CDC20: variants seen among roughly 807,000 people sequenced by gnomAD.
CDC20 encodes the protein cell division cycle 20, also known as cell division cycle protein 20 homolog.
CDC20 carries 34 observed loss-of-function variants against 60.0 expected under a neutral mutation model. The ratio of observed to expected loss-of-function variants is 0.57; its 90% CI spans 0.43 to 0.75. CDC20 has a LOEUF of 0.75. Among genes scored for constraint, CDC20 ranks in the 30% least tolerant of loss-of-function variants. The pLI is 0.00. For synonymous variants in CDC20, 198 were observed against 243.5 expected (o/e 0.81, Z 1.74); for missense variants, 469 against 647.3 (o/e 0.72, Z 2.99).
Position 43,361,818 on chromosome 1 carries a change from C to T in CDC20, c.1204-377C>T, listed in dbSNP as rs201776181. Among the ~76,000 whole-genome samples, 11 of 152,310 alleles carry T rather than the reference C, an allele frequency of 7.2e-5. No homozygotes were observed. The East Asian group carries it at 1.4e-3, about 19-fold the overall frequency. On this transcript the variant is annotated intron_variant, in intron 9 of 10. Coordinates refer to ENST00000310955, the MANE Select transcript of CDC20 (RefSeq NM_001255.3). Reference sequence around the variant, plus strand: ...ATACTTGAGGCTCTCTCCTTCCACTCCCCCCACATTCAGCCTTCACTGTAG... The same window carrying T: ...ATACTTGAGGCTCTCTCCTTCCACTTCCCCCACATTCAGCCTTCACTGTAG...
chr1:43,363,054 G>A lies in CDC20; in HGVS notation c.1425G>A (p.Leu475=), dbSNP rs1197012371. The A allele has an allele frequency of 1.2e-6, 2 of 1,613,542 alleles. No individual in the cohort carries two copies. Among genetic ancestry groups the A allele is most frequent in the Non-Finnish European group, 1.7e-6 (2 of 1,179,866 alleles). ...TGAGGCTATGGCGCTGTTTTGAGTT[G>A]GACCCTGCGCGGCGGCGGGAGCGGG... ...ETLRLWRCFE[L]DPARRREREK... is the part of the protein sequence containing the mutation. Residue 475 remains leucine (L), a synonymous_variant, in exon 11 of 11, where the codon TTG becomes TTA. Coordinates refer to ENST00000310955, the MANE Select transcript of CDC20 (RefSeq NM_001255.3).
Position 43,359,324 on chromosome 1 carries a change from G to T in CDC20, c.109G>T (p.Gly37Cys). The T allele has an allele frequency of 1.2e-6, 2 of 1,613,000 alleles. No homozygotes were observed. The highest frequency in any genetic ancestry group is 2.7e-5 in the African/African-American group (2 of 75,046). The part of the protein sequence containing the change: ...RWQRKAKEAA[G>C]PAPSPMRAAN... ...GCAGCGCAAAGCCAAGGAAGCCGCA[G>T]GCCCGGCCCCCTCACCCATGCGGGC... Residue 37 changes from glycine to cysteine, a missense_variant, in exon 2 of 11, where the codon GGC becomes TGC. Coordinates refer to ENST00000310955, the MANE Select transcript of CDC20 (RefSeq NM_001255.3).
In CDC20 at chr1:43,363,188, A is replaced by G; in HGVS notation, c.*59A>G. The G allele has an allele frequency of 1.3e-6, 2 of 1,512,990 alleles. No homozygotes were observed. Among genetic ancestry groups the G allele is most frequent in the Non-Finnish European group, 1.8e-6 (2 of 1,105,202 alleles). 93.7% of individuals were successfully genotyped at this position (1,512,990 alleles called of 1,614,324 possible). A position where few individuals can be genotyped will look rare whatever the true frequency, so the allele number is the denominator to read the frequency against. ...TTCTAATAAAGTCATGTCTCCCTTC[A>G]TGTTTTTTTTTTAAATCTGTTTCAG... is the stretch of plus-strand genomic sequence containing the variant. On this transcript the variant is annotated 3_prime_UTR_variant, in exon 11 of 11. Transcript: ENST00000310955.
Position 43,362,925 on chromosome 1 carries a change from G to A in CDC20, c.1322-26G>A, listed in dbSNP as rs559056592. The stretch of plus-strand genomic sequence containing the variant: ...TATGGCTATGGCTGCATCAGCATTC[G>A]TATGTACTGTTCTCATTTGCTCCAG... On this transcript the variant is annotated intron_variant, in intron 10 of 10. Transcript: ENST00000310955. The A allele has an allele frequency of 1.2e-5, 18 of 1,552,000 alleles. 1 individual carries two copies. The highest frequency in any genetic ancestry group is 6.9e-5 in the African/African-American group (5 of 72,172).
At position 43,359,261 on chromosome 1, in the gene CDC20, C is replaced by T. The variant is rs536288795; in HGVS notation, c.46C>T (p.Leu16=). The T allele has an allele frequency of 2.5e-5, 41 of 1,611,926 alleles. No individual in the cohort carries two copies. The Admixed American group carries it at 5.0e-4, about 20-fold the overall frequency. Residue 16 remains leucine (L), a synonymous_variant, in exon 2 of 11, where the codon CTG becomes TTG. Transcript: ENST00000310955. ...FESDLHSLLQ[L]DAPIPNAPPA... is the part of the protein sequence containing the mutation. ...GAGTGACCTGCACTCGCTGCTTCAGCTGGATGCACCCATCCCCAATGCACC... is the reference window on the plus strand; with the variant it reads ...GAGTGACCTGCACTCGCTGCTTCAGTTGGATGCACCCATCCCCAATGCACC...
chr1:43,361,350 C>T, intron 9 of CDC20, 105 bp downstream of exon 9: 1 of 1,143,432 alleles, frequency 8.7e-7, no homozygotes, highest in Admixed American at 2.7e-5. Context: ...TCCCAAACTT[C>T]TAACTCAGCT....
intron 7 of CDC20, 38 bp from the exon 8 acceptor site, chr1:43,360,695 G>A (rs1347902589): frequency 4.4e-6 from 7 of 1,588,350 alleles, no homozygotes; most frequent in Non-Finnish European, 6.0e-6. Flanking sequence ...TGCATTTGGT[G>A]CTGCCACAGA....
chr1:43,359,150 C>T lies in CDC20; in HGVS notation c.-49-17C>T. 3 of 1,536,804 alleles carry T rather than the reference C, an allele frequency of 2.0e-6. No individual in the cohort carries two copies. The highest frequency in any genetic ancestry group is 2.2e-5 in the South Asian group (2 of 89,358). The stretch of plus-strand genomic sequence containing the variant: ...TCCCTTTCTGTCCCCTGAGCACCGT[C>T]GCCTCCTTTCCTCCAGGGCTCCGTA... On this transcript the variant is annotated splice_polypyrimidine_tract_variant and intron_variant, in intron 1 of 10. Coordinates refer to ENST00000310955, the MANE Select transcript of CDC20 (RefSeq NM_001255.3).
chr1:43,361,514 C>T (rs1221108210), intron 9 of CDC20, among the ~76,000 whole-genome samples: 1 of 152,204 alleles, frequency 6.6e-6, no homozygotes, highest in African/African-American at 2.4e-5. Context: ...TTTGGAATGG[C>T]AGAACCTGCT....
Position 43,362,319 on chromosome 1 carries a change from G to A in CDC20, c.1321+7G>A, listed in dbSNP as rs2153922591. ...AAGGTGGCTGAACTCAAAGGTAAGT[G>A]GCTAGGTGAAAAGCCGGACATAAAA... is the stretch of plus-strand genomic sequence containing the variant. On this transcript the variant is annotated splice_region_variant and intron_variant, in intron 10 of 10. Transcript: ENST00000310955. 8.0e-7 allele frequency: 1 copy of A among 1,246,518 alleles called. No homozygotes were observed. Among genetic ancestry groups the A allele is most frequent in the Non-Finnish European group, 1.2e-6 (1 of 844,624 alleles). 77.2% of individuals were successfully genotyped at this position (1,246,518 alleles called of 1,614,324 possible). A position where few individuals can be genotyped will look rare whatever the true frequency, so the allele number is the denominator to read the frequency against.
chr1:43,360,893 C>T lies in CDC20; in HGVS notation c.1009C>T (p.Pro337Ser), dbSNP rs1460820886. The T allele has an allele frequency of 2.5e-6, 4 of 1,614,118 alleles. No individual in the cohort carries two copies. In the South Asian group the frequency reaches 3.3e-5, roughly 13 times the overall value. The change falls in exon 8 of 11, where the codon CCT becomes TCT. Residue 337 changes from proline to serine, a missense_variant. Around this residue, in one of 5 missense-constraint regions of CDC20, gnomAD observed 255 missense variants for 326.7 expected, o/e 0.78. Coordinates refer to ENST00000310955, the MANE Select transcript of CDC20 (RefSeq NM_001255.3). Reference protein sequence around the residue: ...GGNDNLVNVWPSAPGEGGWVP... With the variant: ...GGNDNLVNVWSSAPGEGGWVP... ...TAATGATAACTTGGTCAATGTGTGG[C>T]CTAGTGCTCCTGGAGAGGGTGGCTG...
chr1:43,361,911 G>C (rs983626579), intron 9 of CDC20, among the ~76,000 whole-genome samples: 6 of 152,170 alleles, frequency 3.9e-5, no homozygotes, highest in African/African-American at 1.4e-4. Context: ...ACTTGAATGT[G>C]ACCTTTGGCA....
chr1:43,359,760 T>C lies in CDC20; in HGVS notation c.366T>C (p.Gly122=), dbSNP rs749595391. ...AAGCCTGGGCTTTGAACCTGAACGG[T>C]TTTGATGTAGAGGAAGCCAAGATCC... ...HQKAWALNLN[G]FDVEEAKILR... is the part of the protein sequence containing the mutation. The change falls in exon 4 of 11, where the codon GGT becomes GGC. Residue 122 remains glycine, a synonymous_variant. Coordinates refer to ENST00000310955, the MANE Select transcript of CDC20 (RefSeq NM_001255.3). The C allele has an allele frequency of 3.1e-6, 5 of 1,613,724 alleles. No individual in the cohort carries two copies. Among genetic ancestry groups the C allele is most frequent in the Admixed American group, 1.7e-5 (1 of 60,004 alleles).
chr1:43,359,297 T>TG lies in CDC20; in HGVS notation c.84dup (p.Gln29AlafsTer44), dbSNP rs771673120. The TG allele has an allele frequency of 1.9e-6, 3 of 1,612,090 alleles. No homozygotes were observed. Among genetic ancestry groups the TG allele is most frequent in the Non-Finnish European group, 1.7e-6 (2 of 1,179,528 alleles). The stretch of plus-strand genomic sequence containing the variant: ...CATCCCCAATGCACCCCCTGCGCGC[T>TG]GGCAGCGCAAAGCCAAGGAAGCCGC... On this transcript the variant is annotated frameshift_variant, in exon 2 of 11. Coordinates refer to ENST00000310955, the MANE Select transcript of CDC20 (RefSeq NM_001255.3). LOFTEE classifies it high-confidence loss of function.
Position 43,360,071 on chromosome 1 carries a change from A to ATGC in CDC20, c.531_533dup (p.Ala178dup). 1 of 1,614,234 alleles carries ATGC rather than the reference A, an allele frequency of 6.2e-7. No individual in the cohort carries two copies. Among genetic ancestry groups the ATGC allele is most frequent in the Non-Finnish European group, 8.5e-7 (1 of 1,180,046 alleles). On this transcript the variant is annotated inframe_insertion, in exon 5 of 11. Coordinates refer to ENST00000310955, the MANE Select transcript of CDC20 (RefSeq NM_001255.3). ...CCTTCCCTGCCAGACCGTATCCTGG[A>ATGC]TGCGCCTGAAATCCGAAATGACTAT...
chr1:43,360,357 T>G lies in CDC20; in HGVS notation c.721T>G (p.Leu241Val). 6.2e-7 allele frequency: 1 copy of G among 1,614,232 alleles called. No homozygotes were observed. Among genetic ancestry groups the G allele is most frequent in the Non-Finnish European group, 8.5e-7 (1 of 1,180,034 alleles). Residue 241 changes from leucine (L) to valine (V), a missense_variant, in exon 6 of 11, where the codon TTG (leucine) becomes GTG (valine). This residue lies in a region of CDC20 where 255 missense variants were observed against 326.7 expected (regional missense o/e 0.78). Transcript: ENST00000310955. Reference sequence around the variant, plus strand: ...GGCCTGGATCAAAGAGGGCAACTACTTGGCTGTGGGCACCAGCAGTGCTGA... The same window carrying G: ...GGCCTGGATCAAAGAGGGCAACTACGTGGCTGTGGGCACCAGCAGTGCTGA... ...SVAWIKEGNY[L>V]AVGTSSAEVQ...
In CDC20 at chr1:43,361,198, A is replaced by G; in HGVS notation, c.1156A>G (p.Asn386Asp). The G allele has an allele frequency of 1.9e-6, 3 of 1,613,638 alleles. No homozygotes were observed. The highest frequency in any genetic ancestry group is 2.5e-6 in the Non-Finnish European group (3 of 1,179,762). The change falls in exon 9 of 11, where the codon AAT (asparagine) becomes GAT (aspartate). Residue 386 changes from asparagine to aspartate, a missense_variant. Asn to Asp is a conservative substitution (Grantham distance 23, BLOSUM62 1). Coordinates refer to ENST00000310955, the MANE Select transcript of CDC20 (RefSeq NM_001255.3). ...CAGTGATCGACACATTCGCATCTGGAATGTGTGCTCTGGGGCCTGTCTGAG... is the reference window on the plus strand; with the variant it reads ...CAGTGATCGACACATTCGCATCTGGGATGTGTGCTCTGGGGCCTGTCTGAG... ...GTSDRHIRIW[N>D]VCSGACLSAV...
In CDC20 at chr1:43,360,789, T is replaced by G. The variant is rs774403959; in HGVS notation, c.905T>G (p.Val302Gly). ...GATGTTCGGGTAGCAGAACACCATGTGGCCACACTGAGTGGCCACAGCCAG... is the reference window on the plus strand; with the variant it reads ...GATGTTCGGGTAGCAGAACACCATGGGGCCACACTGAGTGGCCACAGCCAG... The part of the protein sequence containing the change: ...HHDVRVAEHH[V>G]ATLSGHSQEV... The change falls in exon 8 of 11, where the codon GTG becomes GGG. Residue 302 changes from valine (V) to glycine (G), a missense_variant. Physicochemically the swap from Val to Gly is moderately radical, Grantham distance 109. This residue lies in a region of CDC20 where 255 missense variants were observed against 326.7 expected (regional missense o/e 0.78). Transcript: ENST00000310955. The G allele has an allele frequency of 6.2e-7, 1 of 1,614,194 alleles. No individual in the cohort carries two copies. The highest frequency in any genetic ancestry group is 8.5e-7 in the Non-Finnish European group (1 of 1,180,034).
chr1:43,361,955 C>T (rs1188984951), intron 9 of CDC20, among the ~76,000 whole-genome samples: 1 of 152,250 alleles, frequency 6.6e-6, no homozygotes, highest in Non-Finnish European at 1.5e-5. Context: ...GATTCCTCAT[C>T]TATCCAATGG....
Sources: allele counts gnomAD v4.1 joint callset (sites outside exome capture counted in the v4.1 genomes callset), GRCh38; gene constraint gnomAD v4.1.1; regional missense constraint gnomAD v4.1.1; transcripts MANE v1.5; gene names NCBI Gene and HGNC (gene_info 2026-07-23, HGNC 2026-07-21).